SMARCA2: variants seen among roughly 807,000 people sequenced by gnomAD.
SMARCA2 encodes SWI/SNF-related matrix-associated actin-dependent regulator of chromatin subfamily A member 2.
In SMARCA2, 61 loss-of-function variants were observed where a neutral mutation model predicts 199.8. The ratio of observed to expected loss-of-function variants is 0.31; its 90% CI spans 0.25 to 0.38. The LOEUF (loss-of-function observed/expected upper bound fraction) is 0.38. Ranked by LOEUF, SMARCA2 falls within the 10% of genes least tolerant of loss-of-function variation. The pLI, the probability that SMARCA2 is intolerant of heterozygous loss-of-function variation, is 1.00. For missense variants in SMARCA2, 1,344 were observed against 2,012.2 expected (o/e 0.67, Z 6.35); for synonymous variants, 935 against 732.0 (o/e 1.28, Z -4.48).
intron 27 of SMARCA2, among the ~76,000 whole-genome samples, chr9:2,125,634 C>A (rs760900091): frequency 1.5e-4 from 23 of 151,952 alleles, no homozygotes; most frequent in Non-Finnish European, 2.8e-4. Context: ...GGATTACAGG[C>A]GCATACCACC....
intron 32 of SMARCA2, among the ~76,000 whole-genome samples, chr9:2,186,530 A>T (rs1390930273): frequency 6.6e-6 from 1 of 151,974 alleles, no homozygotes; most frequent in Non-Finnish European, 1.5e-5. Context: ...ACAGGGTCTC[A>T]CTCTGTCACC....
At chr9:2,158,454 T>G (rs1825489426) in intron 27 of SMARCA2, 1 of 153,650 alleles carries the variant, frequency 6.5e-6, no homozygotes, top group Non-Finnish European at 1.4e-5. Flanking sequence ...TCCTTCCTAT[T>G]CACTTCATTA....
At position 2,039,820 on chromosome 9, in the gene SMARCA2, AGC is replaced by A. The variant is rs1819520527; in HGVS notation, c.711_712del (p.Gln238AlafsTer20). The A allele has an allele frequency of 6.2e-7, 1 of 1,608,018 alleles. No homozygotes were observed. Among genetic ancestry groups the A allele is most frequent in the African/African-American group, 1.3e-5 (1 of 74,782 alleles). ...CAGCAGCAGCAGCAGCAGCAGCAAC[AGC>A]AGCCGCAGCAGCAGCCGCCGCAACC... On this transcript the variant is annotated frameshift_variant, in exon 4 of 34. Coordinates refer to ENST00000349721, the MANE Select transcript of SMARCA2 (RefSeq NM_003070.5). LOFTEE classifies it high-confidence loss of function. The surrounding 1 kb of genome is among the most constrained non-coding windows in gnomAD (Gnocchi z 4.8).
intron 1 of SMARCA2, among the ~76,000 whole-genome samples, chr9:2,021,540 G>T (rs1818599598): frequency 1.3e-5 from 2 of 152,136 alleles, no homozygotes; most frequent in South Asian, 2.1e-4. Flanking sequence ...ATCACACATG[G>T]ATATTGGATG....
chr9:2,077,795 G>C lies in SMARCA2; in HGVS notation c.2184+19G>C, dbSNP rs1404537511. On this transcript the variant is annotated intron_variant, in intron 14 of 33. Coordinates refer to ENST00000349721, the MANE Select transcript of SMARCA2 (RefSeq NM_003070.5). ...TTACCAGGTAATTGGCATGGTTTCA[G>C]TTTCCTTGGCAAGTTGTAACCATTT... 1.9e-6 allele frequency: 3 copies of C among 1,590,712 alleles called. No individual in the cohort carries two copies. Among genetic ancestry groups the C allele is most frequent in the Non-Finnish European group, 2.6e-6 (3 of 1,167,534 alleles).
chr9:2,021,646 C>T (rs1818604440), intron 1 of SMARCA2, among the ~76,000 whole-genome samples: 1 of 152,078 alleles, frequency 6.6e-6, no homozygotes, highest in Non-Finnish European at 1.5e-5. Flanking sequence ...TATTTTGTGG[C>T]TTGCTGTTGT....
At chr9:2,160,715 A>T in intron 27 of SMARCA2, 1 of 599,254 alleles carries the variant, frequency 1.7e-6, no homozygotes, top group East Asian at 2.8e-5. Context: ...AGGAACAAAT[A>T]ACAACATTAG....
chr9:2,076,390 C>T (rs1821324248), intron 13 of SMARCA2, 61 bp downstream of exon 13: 3 of 1,113,432 alleles, frequency 2.7e-6, no homozygotes, highest in Non-Finnish European at 4.1e-6. Flanking sequence ...AATGAATTTT[C>T]TTTTAGGAAA....
At chr9:2,095,524 G>A (rs1822240625) in intron 19 of SMARCA2, among the ~76,000 whole-genome samples, 1 of 152,178 alleles carries the variant, frequency 6.6e-6, no homozygotes, top group African/African-American at 2.4e-5. Flanking sequence ...TGGCCAAGAA[G>A]GTCATTAAAG....
chr9:2,116,091 C>G, intron 25 of SMARCA2, 42 bp downstream of exon 25: 1 of 1,424,028 alleles, frequency 7.0e-7, no homozygotes, highest in Non-Finnish European at 9.9e-7. Context: ...AAACAGTGGC[C>G]TTTTGTCTCT....
chr9:2,114,981 A>C (rs1163912644), intron 24 of SMARCA2, among the ~76,000 whole-genome samples: 1 of 152,112 alleles, frequency 6.6e-6, no homozygotes, highest in Non-Finnish European at 1.5e-5. Context: ...TACTTTGTTG[A>C]TACATACATA....
At chr9:2,083,763 G>C (rs1821671601) in intron 16 of SMARCA2, among the ~76,000 whole-genome samples, 1 of 152,244 alleles carries the variant, frequency 6.6e-6, no homozygotes, top group Non-Finnish European at 1.5e-5. Flanking sequence ...GGATGCCCGG[G>C]GCTGCCTGCT....
At chr9:2,066,665 T>A (rs149244007) in intron 9 of SMARCA2, among the ~76,000 whole-genome samples, 1 of 152,330 alleles carries the variant, frequency 6.6e-6, no homozygotes, top group African/African-American at 2.4e-5. Flanking sequence ...CAGTACAAAG[T>A]TTCTTGTTCA....
At chr9:2,049,352 A>G (rs1820019424) in intron 5 of SMARCA2, among the ~76,000 whole-genome samples, 1 of 152,216 alleles carries the variant, frequency 6.6e-6, no homozygotes, top group Non-Finnish European at 1.5e-5. Context: ...ATGGTCTTCC[A>G]AAGTGCACAG....
intron 19 of SMARCA2, among the ~76,000 whole-genome samples, chr9:2,092,781 A>G (rs759582154): frequency 2.0e-5 from 3 of 152,220 alleles, no homozygotes; most frequent in Non-Finnish European, 4.4e-5. Flanking sequence ...GGCTCTCACA[A>G]ACCTAACTTA....
intron 1 of SMARCA2, among the ~76,000 whole-genome samples, chr9:2,025,313 A>C (rs188677032): frequency 4.6e-5 from 7 of 152,234 alleles, no homozygotes; most frequent in East Asian, 1.9e-4. Context: ...CCAGCAATGC[A>C]TGTGTATGGG....
chr9:2,155,448 A>G (rs986711288), intron 27 of SMARCA2, among the ~76,000 whole-genome samples: 2 of 151,842 alleles, frequency 1.3e-5, no homozygotes, highest in Admixed American at 6.6e-5. Flanking sequence ...ACACCTGGCT[A>G]ATGTTTGTAT....
At chr9:2,144,601 C>T (rs554118307) in intron 27 of SMARCA2, among the ~76,000 whole-genome samples, 9 of 152,290 alleles carry the variant, frequency 5.9e-5, no homozygotes, top group African/African-American at 1.7e-4. Flanking sequence ...TTAGGAGCTG[C>T]TCAGAAAGCA....
intron 27 of SMARCA2, chr9:2,160,504 A>T (rs769558443): frequency 3.3e-6 from 2 of 606,370 alleles, no homozygotes; most frequent in Non-Finnish European, 6.1e-6. Context: ...CTTTTTCAGG[A>T]AGCGTTGTAC....
Sources: allele counts gnomAD v4.1 joint callset (sites outside exome capture counted in the v4.1 genomes callset), GRCh38; gene constraint gnomAD v4.1.1; non-coding constraint Gnocchi (gnomAD v3.1); transcripts MANE v1.5; gene names NCBI Gene and HGNC (gene_info 2026-07-23, HGNC 2026-07-21).